The following FBXL18 variants were observed in gnomAD, a reference collection of about 807,000 sequenced individuals.
The protein encoded by FBXL18 is F-box and leucine rich repeat protein 18, also known as F-box/LRR-repeat protein 18.
Under a neutral mutation model 46.0 loss-of-function variants are expected in FBXL18, and 36 were observed. The ratio of observed to expected loss-of-function variants is 0.78; its 90% CI spans 0.60 to 1.03. The LOEUF (loss-of-function observed/expected upper bound fraction) is 1.03. Among genes scored for constraint, FBXL18 ranks in the 50% least tolerant of loss-of-function variants. FBXL18 has a pLI of 0.00. For synonymous variants in FBXL18, 557 were observed against 465.3 expected, an observed-to-expected ratio of 1.20 and a Z score of -2.54; for missense variants, 977 against 1,004.1, an observed-to-expected ratio of 0.97 and a Z score of 0.36.
rs910407557 is a variant in FBXL18, at chr7:5,480,161, G to A, written c.*1614C>T. On this transcript the variant is annotated 3_prime_UTR_variant, in exon 5 of 5. Coordinates refer to ENST00000382368, the MANE Select transcript of FBXL18 (RefSeq NM_024963.6). ...GTGTACCCCATTTTTTAACAGCAAAGCAAATGTGAGACACCACCCCACAGG... is the reference window on the plus strand; with the variant it reads ...GTGTACCCCATTTTTTAACAGCAAAACAAATGTGAGACACCACCCCACAGG... Among the ~76,000 whole-genome samples the A allele has an allele frequency of 2.0e-5, 3 of 152,194 alleles. No homozygotes were observed. The highest frequency in any genetic ancestry group is 4.4e-5 in the Non-Finnish European group (3 of 68,034).
intron 3 of FBXL18, among the ~76,000 whole-genome samples, chr7:5,497,167 A>G (rs1401662528): frequency 6.6e-6 from 1 of 151,762 alleles, no homozygotes; most frequent in Non-Finnish European, 1.5e-5. Flanking sequence ...ATGCCACTGC[A>G]CTCCGGTCTG....
chr7:5,495,362 G>A (rs1249908980), intron 3 of FBXL18, among the ~76,000 whole-genome samples: 2 of 152,170 alleles, frequency 1.3e-5, no homozygotes, highest in African/African-American at 4.8e-5. Context: ...CTGCCCAGAC[G>A]CTGCCCTGGT....
At chr7:5,472,957 C>T (rs150948043), downstream of FBXL18, among the ~76,000 whole-genome samples, 5 of 152,260 alleles carry the variant, frequency 3.3e-5, no homozygotes, top group Non-Finnish European at 5.9e-5. Context: ...CTCACATGTT[C>T]CTCTGAAGGA....
chr7:5,461,618 G>C (rs1391552728), intron 4 of FBXL18, among the ~76,000 whole-genome samples: 1 of 152,042 alleles, frequency 6.6e-6, no homozygotes, highest in Non-Finnish European at 1.5e-5. Flanking sequence ...ACTCTGGCCT[G>C]GGCAACAGAG....
intron 4 of FBXL18, chr7:5,489,164 G>T: frequency 2.1e-6 from 1 of 469,116 alleles, no homozygotes; most frequent in Non-Finnish European, 4.2e-6. Flanking sequence ...GATGAGAGCC[G>T]TGAGGACAGC....
In FBXL18 at chr7:5,479,103, T is replaced by G. The variant is rs1783582918; in HGVS notation, c.*2672A>C. 6.7e-6 allele frequency: 1 copy of G among 149,558 alleles called. No homozygotes were observed. 9.3% of individuals were successfully genotyped at this position (149,558 alleles called of 1,614,324 possible). A position where few individuals can be genotyped will look rare whatever the true frequency, so the allele number is the denominator to read the frequency against. On this transcript the variant is annotated 3_prime_UTR_variant, in exon 5 of 5. Coordinates refer to ENST00000382368, the MANE Select transcript of FBXL18 (RefSeq NM_024963.6). ...ATCTCGGGGGTAGCAGCAGCGGAAA[T>G]TCTTGCTCTAAGTCAGAGGATGGTT... is the stretch of plus-strand genomic sequence containing the variant.
intron 1 of FBXL18, among the ~76,000 whole-genome samples, chr7:5,510,970 G>C (rs779352490): frequency 6.6e-6 from 1 of 152,168 alleles, no homozygotes; most frequent in South Asian, 2.1e-4. Context: ...TTAGTTATTC[G>C]CTAAACTCTG....
chr7:5,513,742 G>C lies in FBXL18; in HGVS notation c.-68C>G. 2 of 1,562,662 alleles carry C rather than the reference G, an allele frequency of 1.3e-6. No individual in the cohort carries two copies. The highest frequency in any genetic ancestry group is 1.2e-5 in the South Asian group (1 of 85,616). Reference sequence around the variant, plus strand: ...CGTGCCTCCCACCTGCCCGGCTAGGGATGCTCGAAGCCGGCGCGTCCACCG... The same window carrying C: ...CGTGCCTCCCACCTGCCCGGCTAGGCATGCTCGAAGCCGGCGCGTCCACCG... On this transcript the variant is annotated 5_prime_UTR_variant, in exon 1 of 5. The change creates a new upstream start codon in the 5' untranslated region. Transcript: ENST00000382368.
rs1022034379 is a variant in FBXL18 at position 5,501,012 on chromosome 7, G to A, written c.1257C>T (p.Ser419=). The change falls in exon 3 of 5, where the codon TCC becomes TCT. Residue 419 remains serine, a synonymous_variant. Coordinates refer to ENST00000382368, the MANE Select transcript of FBXL18 (RefSeq NM_024963.6). The stretch of plus-strand genomic sequence containing the variant: ...AGTCAGCGACAGAGCAGACAGGCAG[G>A]GAGAGGGAGCGCAGGTGACGCAGCC... ...LARLRHLRSL[S]LPVCSVADSA... The A allele has an allele frequency of 3.8e-6, 6 of 1,596,882 alleles. No individual in the cohort carries two copies. The African/African-American group carries it at 8.0e-5, about 21-fold the overall frequency.
intron 4 of FBXL18, among the ~76,000 whole-genome samples, chr7:5,485,052 G>A (rs565766715): frequency 1.1e-4 from 17 of 152,286 alleles, no homozygotes; most frequent in African/African-American, 3.1e-4. Flanking sequence ...AAAGCACTGC[G>A]ATGACAGGTG....
chr7:5,465,605 C>A (rs1474035432), intron 4 of FBXL18, among the ~76,000 whole-genome samples: 1 of 151,850 alleles, frequency 6.6e-6, no homozygotes, highest in Non-Finnish European at 1.5e-5. Context: ...CCACTGCACT[C>A]CAGCTCGGGC....
chr7:5,503,448 G>T (rs918092975), intron 2 of FBXL18, among the ~76,000 whole-genome samples: 9 of 152,088 alleles, frequency 5.9e-5, no homozygotes, highest in African/African-American at 2.2e-4. Context: ...GATGTCCCGG[G>T]GTTCAAGAGA....
In FBXL18 at chr7:5,463,694, C is replaced by CTATATATATATATATA. The variant is rs1439946097; in HGVS notation, c.2001-15852_2001-15851insTATATATATATATATA. On this transcript the variant is annotated intron_variant and NMD_transcript_variant, in intron 4 of 6. Transcript: ENST00000415009. ...CATAAATGTGCTTCATGCCCCTGAA[C>CTATATATATATATATA]TATATATATATTTATTTATTTATTT... Among the ~76,000 whole-genome samples, 302 of 61,398 alleles carry CTATATATATATATATA rather than the reference C, an allele frequency of 4.9e-3. 10 individuals are homozygous for CTATATATATATATATA. Among genetic ancestry groups the CTATATATATATATATA allele is most frequent in the Non-Finnish European group, 6.0e-3 (206 of 34,470 alleles). 40.3% of individuals were successfully genotyped at this position (61,398 alleles called of 152,430 possible). A position where few individuals can be genotyped will look rare whatever the true frequency, so the allele number is the denominator to read the frequency against.
chr7:5,505,986 T>TC (rs1784385494), intron 1 of FBXL18, among the ~76,000 whole-genome samples: 1 of 152,102 alleles, frequency 6.6e-6, no homozygotes, highest in African/African-American at 2.4e-5. Context: ...TGCCTCAGCC[T>TC]CCCAAGCAGC....
At chr7:5,456,117 TAACGTC>T (rs575336273) in intron 4 of FBXL18, among the ~76,000 whole-genome samples, 237 of 151,508 alleles carry the variant, frequency 1.6e-3, no homozygotes, top group African/African-American at 5.6e-3. Context: ...TGCTCCCACC[TAACGTC>T]ATCATGGGAC....
intron 4 of FBXL18, among the ~76,000 whole-genome samples, chr7:5,467,556 A>G (rs549039437): frequency 6.6e-6 from 1 of 151,898 alleles, no homozygotes; most frequent in East Asian, 1.9e-4. Context: ...CAAAAAAAAA[A>G]AAAGAAATCA....
At chr7:5,489,215 A>G (rs761738240) in intron 4 of FBXL18, 4 of 516,982 alleles carry the variant, frequency 7.7e-6, no homozygotes, top group African/African-American at 1.9e-5. Flanking sequence ...CTGACACAAG[A>G]GGACTCCACG....
At chr7:5,456,635 T>G (rs1342825945) in intron 4 of FBXL18, among the ~76,000 whole-genome samples, 4 of 95,516 alleles carry the variant, frequency 4.2e-5, no homozygotes, top group Admixed American at 1.1e-4. Flanking sequence ...GAACTTAAGG[T>G]ATGGAAAAAA....
chr7:5,491,305 C>A lies in FBXL18; in HGVS notation c.1926G>T (p.Gln642His), dbSNP rs781743869. The change falls in exon 4 of 5, where the codon CAG (glutamine) becomes CAT (histidine). Residue 642 changes from glutamine to histidine, a missense_variant. Physicochemically the swap from Gln to His is conservative, Grantham distance 24. Transcript: ENST00000382368. ...AVLAFMARCL[Q>H]VVMCHLFTGE... ...CGGTGAACAGGTGGCACATGACAACCTGCAGGCAGCGAGCCATGAAGGCCA... is the reference window on the plus strand; with the variant it reads ...CGGTGAACAGGTGGCACATGACAACATGCAGGCAGCGAGCCATGAAGGCCA... 2 of 1,612,482 alleles carry A rather than the reference C, an allele frequency of 1.2e-6. No individual in the cohort carries two copies. Among genetic ancestry groups the A allele is most frequent in the Non-Finnish European group, 1.7e-6 (2 of 1,179,762 alleles).
Sources: allele counts gnomAD v4.1 joint callset (sites outside exome capture counted in the v4.1 genomes callset), GRCh38; gene constraint gnomAD v4.1.1; transcripts MANE v1.5; gene names NCBI Gene and HGNC (gene_info 2026-07-23, HGNC 2026-07-21).